SLC35A1: variants seen among roughly 807,000 people sequenced by gnomAD.
SLC35A1 encodes CMP-sialic acid transporter.
A neutral mutation model predicts 40.3 loss-of-function variants in SLC35A1; 21 were observed. That is an observed-to-expected ratio of 0.52 (90% CI 0.37 to 0.75). The LOEUF is 0.75. SLC35A1 is among the 30% of genes least tolerant of loss of function. The pLI, the probability that SLC35A1 is intolerant of heterozygous loss-of-function variation, is 0.00. For synonymous variants in SLC35A1, 146 were observed against 147.3 expected (o/e 0.99, Z 0.06); for missense variants, 297 against 382.1 (o/e 0.78, Z 1.86).
chr6:87,491,843 AATTCC>A (rs1769560790), intron 2 of SLC35A1, among the ~76,000 whole-genome samples: 1 of 152,158 alleles, frequency 6.6e-6, no homozygotes, highest in Non-Finnish European at 1.5e-5. Flanking sequence ...ATAAGGCACT[AATTCC>A]ATCATGAGGA....
Position 87,508,408 on chromosome 6 carries a change from AT to A in SLC35A1, c.575-8del. 6.4e-7 allele frequency: 1 copy of A among 1,554,384 alleles called. No individual in the cohort carries two copies. Among genetic ancestry groups the A allele is most frequent in the Non-Finnish European group, 8.9e-7 (1 of 1,128,684 alleles). On this transcript the variant is annotated splice_polypyrimidine_tract_variant and intron_variant, in intron 5 of 7. Transcript: ENST00000369552. ...GTAATCTTTAATATTTGCATGTCTA[AT>A]TTTCTTTCAGGAGTATATTTTGAAA... is the stretch of plus-strand genomic sequence containing the variant.
intron 2 of SLC35A1, among the ~76,000 whole-genome samples, chr6:87,489,535 CTTTTTTTTTTTT>C (rs36003216): frequency 1.0e-5 from 1 of 99,026 alleles, no homozygotes; most frequent in Non-Finnish European, 1.9e-5. Context: ...CAACTGTGAG[CTTTTTTTTTTTT>C]TTTTTTTTTT....
intron 2 of SLC35A1, among the ~76,000 whole-genome samples, chr6:87,485,081 G>C (rs982499127): frequency 2.6e-5 from 4 of 152,190 alleles, no homozygotes; most frequent in African/African-American, 9.7e-5. Flanking sequence ...GTAGATGAAA[G>C]GCAAACAGGA....
At chr6:87,483,329 G>A (rs1235231248) in intron 2 of SLC35A1, among the ~76,000 whole-genome samples, 2 of 151,794 alleles carry the variant, frequency 1.3e-5, no homozygotes, top group East Asian at 1.9e-4. Flanking sequence ...CTAGGGGAGC[G>A]ACCAGTGGGA....
At chr6:87,485,846 A>G (rs575387615) in intron 2 of SLC35A1, among the ~76,000 whole-genome samples, 3 of 152,170 alleles carry the variant, frequency 2.0e-5, no homozygotes, top group African/African-American at 7.2e-5. Context: ...AATACTGCAG[A>G]GTTAGTGTAA....
chr6:87,493,998 A>G (rs1273478274), intron 2 of SLC35A1, among the ~76,000 whole-genome samples: 1 of 152,156 alleles, frequency 6.6e-6, no homozygotes, highest in Non-Finnish European at 1.5e-5. Flanking sequence ...GATAAGGTTG[A>G]CGTGGTCAAA....
intron 2 of SLC35A1, among the ~76,000 whole-genome samples, chr6:87,484,513 A>G (rs1345459514): frequency 3.3e-5 from 5 of 152,136 alleles, no homozygotes; most frequent in South Asian, 2.1e-4. Flanking sequence ...TCATTCACCT[A>G]TTGGCTAGGG....
chr6:87,489,134 C>T (rs553797897), intron 2 of SLC35A1, among the ~76,000 whole-genome samples: 1 of 152,304 alleles, frequency 6.6e-6, no homozygotes, highest in South Asian at 2.1e-4. Context: ...AAGACAATAG[C>T]TTAATTCTAA....
At chr6:87,489,699 G>A (rs1382141213) in intron 2 of SLC35A1, among the ~76,000 whole-genome samples, 3 of 151,798 alleles carry the variant, frequency 2.0e-5, no homozygotes, top group African/African-American at 7.3e-5. Context: ...GTGCCACCAC[G>A]CCTGGCTAAT....
intron 4 of SLC35A1, among the ~76,000 whole-genome samples, chr6:87,504,802 ACT>A (rs1770029495): frequency 6.6e-6 from 1 of 152,150 alleles, no homozygotes; most frequent in Non-Finnish European, 1.5e-5. Context: ...TTTATCAGGC[ACT>A]CTATTTTTAG....
At chr6:87,480,152 G>A (rs1233204503) in intron 2 of SLC35A1, among the ~76,000 whole-genome samples, 1 of 152,232 alleles carries the variant, frequency 6.6e-6, no homozygotes, top group African/African-American at 2.4e-5. Context: ...AAGTCTCCAA[G>A]AAATGCCAAA....
intron 2 of SLC35A1, 24 bp from the exon 3 acceptor site, chr6:87,500,484 C>T: frequency 4.3e-6 from 7 of 1,612,938 alleles, no homozygotes; most frequent in Non-Finnish European, 5.9e-6. Flanking sequence ...ACCACCCTCT[C>T]ATCTCCCCCT....
chr6:87,486,291 G>A (rs780255454), intron 2 of SLC35A1, among the ~76,000 whole-genome samples: 1 of 152,114 alleles, frequency 6.6e-6, no homozygotes, highest in Non-Finnish European at 1.5e-5. Flanking sequence ...TATAATTAAG[G>A]TTCACTTAGA....
At chr6:87,502,365 A>G (rs1012753316) in intron 4 of SLC35A1, among the ~76,000 whole-genome samples, 2 of 152,320 alleles carry the variant, frequency 1.3e-5, no homozygotes, top group Admixed American at 1.3e-4. Context: ...ACAGTCATGC[A>G]TCGCTTAACA....
chr6:87,490,074 C>A (rs1025120863), intron 2 of SLC35A1, among the ~76,000 whole-genome samples: 35 of 151,584 alleles, frequency 2.3e-4, no homozygotes, highest in Non-Finnish European at 4.3e-4. Context: ...ACAGAAAATA[C>A]AAAAATTAGC....
intron 1 of SLC35A1, among the ~76,000 whole-genome samples, chr6:87,474,083 AAAAG>A (rs1327102715): frequency 6.6e-6 from 1 of 152,236 alleles, no homozygotes; most frequent in Non-Finnish European, 1.5e-5. Flanking sequence ...AAATAAAAGA[AAAAG>A]AAATAGAATT....
At chr6:87,476,998 G>C (rs1302950547) in intron 1 of SLC35A1, among the ~76,000 whole-genome samples, 2 of 152,098 alleles carry the variant, frequency 1.3e-5, no homozygotes, top group African/African-American at 4.8e-5. Flanking sequence ...CAACCTGGGG[G>C]ACAGAGTGAG....
At position 87,479,020 on chromosome 6, in the gene SLC35A1, C is replaced by T. The variant is rs542441759; in HGVS notation, c.194+1481C>T. Reference sequence around the variant, plus strand: ...GAGAGTGATGGGATGAGTGGTTTGGCGGGAAAAATGGTTATGGCAGAGCAG... The same window carrying T: ...GAGAGTGATGGGATGAGTGGTTTGGTGGGAAAAATGGTTATGGCAGAGCAG... On this transcript the variant is annotated intron_variant, in intron 2 of 7. Transcript: ENST00000369552. 1.8e-3 allele frequency among the ~76,000 whole-genome samples: 267 copies of T among 151,972 alleles called. 1 individual carries two copies. The highest frequency in any genetic ancestry group is 6.0e-3 in the African/African-American group (250 of 41,442).
At chr6:87,473,542 T>G (rs1386099576) in intron 1 of SLC35A1, among the ~76,000 whole-genome samples, 1 of 152,138 alleles carries the variant, frequency 6.6e-6, no homozygotes, top group African/African-American at 2.4e-5. Context: ...AGCACTGAAA[T>G]CGTAACGAAA....
Sources: allele counts gnomAD v4.1 joint callset (sites outside exome capture counted in the v4.1 genomes callset), GRCh38; gene constraint gnomAD v4.1.1; transcripts MANE v1.5; gene names NCBI Gene and HGNC (gene_info 2026-07-23, HGNC 2026-07-21).